Variants in CFAP161 observed in about 807,000 individuals in gnomAD.
CFAP161 encodes cilia- and flagella-associated protein 161.
Under a neutral mutation model 29.0 loss-of-function variants are expected in CFAP161, and 25 were observed. The ratio of observed to expected loss-of-function variants is 0.86; its 90% CI spans 0.63 to 1.20. The LOEUF (loss-of-function observed/expected upper bound fraction) is 1.20, where lower values mean the gene tolerates loss of function less well. Ranked by LOEUF, CFAP161 falls within the 50% of genes most tolerant of loss-of-function variation. CFAP161 has a pLI of 0.00. For synonymous variants in CFAP161, 116 were observed against 137.4 expected, an observed-to-expected ratio of 0.84 and a Z score of 1.09; for missense variants, 367 against 371.9, an observed-to-expected ratio of 0.99 and a Z score of 0.11.
chr15:81,135,716 A>G (rs967422145), intron 2 of CFAP161, among the ~76,000 whole-genome samples: 26 of 152,076 alleles, frequency 1.7e-4, no homozygotes, highest in African/African-American at 6.3e-4. Flanking sequence ...TTATGGCTGC[A>G]TAGTATTCCA....
At chr15:81,115,842 CTAAT>C in intron 1 of CFAP161, among the ~76,000 whole-genome samples, 1 of 137,944 alleles carries the variant, frequency 7.2e-6, no homozygotes, top group Non-Finnish European at 1.5e-5. Context: ...CTGTGCCTAG[CTAAT>C]TAATTTTTTT....
At chr15:81,109,479 CT>C (rs1894414600) in intron 1 of CFAP161, among the ~76,000 whole-genome samples, 1 of 152,138 alleles carries the variant, frequency 6.6e-6, no homozygotes, top group Non-Finnish European at 1.5e-5. Context: ...TTCAACTTTG[CT>C]TTTTTCGGTT....
chr15:81,122,679 A>G (rs1019568436), intron 1 of CFAP161, among the ~76,000 whole-genome samples: 10 of 151,790 alleles, frequency 6.6e-5, no homozygotes, highest in Non-Finnish European at 1.2e-4. Flanking sequence ...TTTAATAGAG[A>G]CAGGGTTTCA....
In CFAP161 at chr15:81,135,321, C is replaced by A; in HGVS notation, c.121C>A (p.Gln41Lys). The change falls in exon 2 of 7, where the codon CAG becomes AAG. Residue 41 changes from glutamine (Q) to lysine (K), a missense_variant. By Grantham distance (53) the Gln-to-Lys change is moderately conservative (BLOSUM62 1). Coordinates refer to ENST00000286732, the MANE Select transcript of CFAP161 (RefSeq NM_173528.4). ...GAGAGACAAGGGGAAACTTCTCATA[C>A]AGAGAAGTAGAAGACTAAAACAGAA... ...EKRDKGKLLI[Q>K]RSRRLKQNLL... 6.3e-7 allele frequency: 1 copy of A among 1,598,558 alleles called. No individual in the cohort carries two copies. The highest frequency in any genetic ancestry group is 8.5e-7 in the Non-Finnish European group (1 of 1,175,938).
At chr15:81,115,930 C>T (rs1054183352) in intron 1 of CFAP161, among the ~76,000 whole-genome samples, 2 of 150,654 alleles carry the variant, frequency 1.3e-5, no homozygotes, top group Non-Finnish European at 2.9e-5. Context: ...TCAAGCAATA[C>T]TCCCACCTCA....
At chr15:81,132,338 A>T (rs760146795), upstream of CFAP161, among the ~76,000 whole-genome samples, 2 of 152,186 alleles carry the variant, frequency 1.3e-5, no homozygotes, top group African/African-American at 2.4e-5. Context: ...ATATTGAAAG[A>T]AAGAAAAAAA....
chr15:81,111,658 C>T (rs1894441751), intron 1 of CFAP161, among the ~76,000 whole-genome samples: 1 of 152,184 alleles, frequency 6.6e-6, no homozygotes, highest in East Asian at 1.9e-4. Context: ...TTCCCATCAT[C>T]TCCCCTCTGC....
intron 1 of CFAP161, among the ~76,000 whole-genome samples, chr15:81,123,982 A>T (rs907358942): frequency 6.6e-6 from 1 of 152,226 alleles, no homozygotes; most frequent in African/African-American, 2.4e-5. Context: ...TGTCATCTAC[A>T]AACAGGGATA....
chr15:81,133,247 T>G (rs1894748172), upstream of CFAP161, among the ~76,000 whole-genome samples: 1 of 136,950 alleles, frequency 7.3e-6, no homozygotes, highest in Non-Finnish European at 1.5e-5. Flanking sequence ...AAATTGGAGA[T>G]GGGGTCTCAC....
chr15:81,127,896 A>G (rs1894660878), intron 2 of CFAP161, among the ~76,000 whole-genome samples: 1 of 152,268 alleles, frequency 6.6e-6, no homozygotes, highest in South Asian at 2.1e-4. Context: ...TATGCATGCC[A>G]TAGTAAACTA....
chr15:81,134,998 C>G (rs927353692), intron 1 of CFAP161, among the ~76,000 whole-genome samples: 1 of 152,164 alleles, frequency 6.6e-6, no homozygotes, highest in African/African-American at 2.4e-5. Context: ...GGAGACATGG[C>G]CTCCAAATGT....
rs754106165 is a variant in CFAP161 at position 81,148,557 on chromosome 15, C to T, written c.*24C>T. On this transcript the variant is annotated 3_prime_UTR_variant, in exon 7 of 7. Coordinates refer to ENST00000286732, the MANE Select transcript of CFAP161 (RefSeq NM_173528.4). The stretch of plus-strand genomic sequence containing the variant: ...AACACGCCAGGCACGTGCATGTTTT[C>T]CCTGGTCCCGCTCTCATCAAATGTA... 62 of 1,600,478 alleles carry T rather than the reference C, an allele frequency of 3.9e-5. No individual in the cohort carries two copies. The highest frequency in any genetic ancestry group is 5.3e-5 in the Non-Finnish European group (62 of 1,169,134).
chr15:81,129,945 CTTT>C (rs35555346), upstream of CFAP161, among the ~76,000 whole-genome samples: 1 of 110,802 alleles, frequency 9.0e-6, no homozygotes, highest in Admixed American at 8.6e-5. Flanking sequence ...TAATGTAAGG[CTTT>C]TTTTTTTTTT....
Position 81,147,850 on chromosome 15 carries a change from C to T in CFAP161, c.637-8C>T. 6.3e-7 allele frequency: 1 copy of T among 1,582,784 alleles called. No individual in the cohort carries two copies. Among genetic ancestry groups the T allele is most frequent in the South Asian group, 1.2e-5 (1 of 85,258 alleles). Reference sequence around the variant, plus strand: ...AATGCTAATAACACATTTTCTTTATCTGTTAAGGCAAATGCTAAAATTCTC... The same window carrying T: ...AATGCTAATAACACATTTTCTTTATTTGTTAAGGCAAATGCTAAAATTCTC... On this transcript the variant is annotated splice_region_variant and splice_polypyrimidine_tract_variant and intron_variant, in intron 5 of 6. Transcript: ENST00000286732.
intron 4 of CFAP161, among the ~76,000 whole-genome samples, chr15:81,142,472 C>A (rs1894927775): frequency 6.6e-6 from 1 of 151,984 alleles, no homozygotes; most frequent in African/African-American, 2.4e-5. Flanking sequence ...CTGTGTTCAC[C>A]CCCTCTGGCT....
In CFAP161 at chr15:81,147,898, G is replaced by T. The variant is rs202176412; in HGVS notation, c.677G>T (p.Arg226Leu). ...CTCATCAATCACTGTCACACAAATC[G>T]GGGACTGGCAGCCCACCGGCATCTT... ...KILINHCHTN[R>L]GLAAHRHLFL... The change falls in exon 6 of 7, where the codon CGG becomes CTG. Residue 226 changes from arginine (R) to leucine (L), a missense_variant. Coordinates refer to ENST00000286732, the MANE Select transcript of CFAP161 (RefSeq NM_173528.4). 6.2e-7 allele frequency: 1 copy of T among 1,611,508 alleles called. No homozygotes were observed. Among genetic ancestry groups the T allele is most frequent in the Non-Finnish European group, 8.5e-7 (1 of 1,179,020 alleles).
At chr15:81,127,125 C>A (rs193029906) in intron 1 of CFAP161, among the ~76,000 whole-genome samples, 67 of 152,274 alleles carry the variant, frequency 4.4e-4, no homozygotes, top group African/African-American at 1.5e-3. Flanking sequence ...TTGTGAATCC[C>A]ATTCTGTTTC....
At chr15:81,121,011 G>A (rs936549391) in intron 1 of CFAP161, among the ~76,000 whole-genome samples, 1 of 152,128 alleles carries the variant, frequency 6.6e-6, no homozygotes, top group African/African-American at 2.4e-5. Flanking sequence ...TTTTTACATG[G>A]AGAACCACAT....
At chr15:81,147,539 C>G (rs878958524) in intron 5 of CFAP161, among the ~76,000 whole-genome samples, 2 of 152,164 alleles carry the variant, frequency 1.3e-5, no homozygotes, top group Non-Finnish European at 2.9e-5. Context: ...GGGATAGCCT[C>G]GTGTTCCTAG....
Sources: allele counts gnomAD v4.1 joint callset (sites outside exome capture counted in the v4.1 genomes callset), GRCh38; gene constraint gnomAD v4.1.1; transcripts MANE v1.5; gene names NCBI Gene and HGNC (gene_info 2026-07-23, HGNC 2026-07-21).